EIF4EBP2: variants seen among roughly 807,000 people sequenced by gnomAD.
EIF4EBP2 encodes the protein eukaryotic translation initiation factor 4E binding protein 2.
A neutral mutation model predicts 10.3 loss-of-function variants in EIF4EBP2; 5 were observed. That is an observed-to-expected ratio of 0.48 (90% confidence interval 0.25 to 1.02). The LOEUF (loss-of-function observed/expected upper bound fraction) is 1.02, where lower values mean the gene tolerates loss of function less well. Ranked by LOEUF, EIF4EBP2 falls within the 50% of genes least tolerant of loss-of-function variation. EIF4EBP2 has a pLI of 0.15. For missense variants in EIF4EBP2, 188 were observed against 162.2 expected (o/e 1.16, Z -0.86); for synonymous variants, 67 against 61.1 (o/e 1.10, Z -0.45).
chr10:70,415,613 A>G (rs544313855), intron 1 of EIF4EBP2, among the ~76,000 whole-genome samples: 1 of 152,360 alleles, frequency 6.6e-6, no homozygotes, highest in South Asian at 2.1e-4. Context: ...GAGTCCAGAA[A>G]TAAACCCAGC....
At chr10:70,406,521 C>A (rs1844965578) in intron 1 of EIF4EBP2, among the ~76,000 whole-genome samples, 1 of 151,048 alleles carries the variant, frequency 6.6e-6, no homozygotes. Context: ...GGGAACTAAA[C>A]TTTCAGCTAT....
At position 70,426,177 on chromosome 10, in the gene EIF4EBP2, TGC is replaced by T. The variant is rs1845204598; in HGVS notation, c.*4431_*4432del. The stretch of plus-strand genomic sequence containing the variant: ...AGTTTAAGACATTCTAGTGAATGGC[TGC>T]TATGTGTTTCTGGCACTCATTCCTA... On this transcript the variant is annotated 3_prime_UTR_variant, in exon 3 of 3. Coordinates refer to ENST00000373218, the MANE Select transcript of EIF4EBP2 (RefSeq NM_004096.5). The T allele has an allele frequency of 6.6e-6, 1 of 152,248 alleles. No individual in the cohort carries two copies. Among genetic ancestry groups the T allele is most frequent in the East Asian group, 1.9e-4 (1 of 5,198 alleles). The allele number at this position is 152,248 out of a possible 1,614,324, so 9.4% of individuals were successfully genotyped here. A position where few individuals can be genotyped will look rare whatever the true frequency, so the allele number is the denominator to read the frequency against.
intron 1 of EIF4EBP2, among the ~76,000 whole-genome samples, chr10:70,418,010 T>A (rs781201145): frequency 7.2e-5 from 11 of 152,238 alleles, no homozygotes; most frequent in Non-Finnish European, 1.0e-4. Context: ...AAGGGTGTGC[T>A]ATACAGATTG....
intron 1 of EIF4EBP2, among the ~76,000 whole-genome samples, chr10:70,415,603 G>A (rs115989471): frequency 0.013 from 2,003 of 152,312 alleles, 38 homozygotes; most frequent in African/African-American, 0.046. Context: ...ATAAAATTGA[G>A]AGTCCAGAAA....
intron 1 of EIF4EBP2, among the ~76,000 whole-genome samples, chr10:70,410,676 C>G (rs1164007226): frequency 6.6e-6 from 1 of 152,236 alleles, no homozygotes; most frequent in African/African-American, 2.4e-5. Context: ...AAAACACTTT[C>G]TTTGTTAAGT....
Position 70,423,629 on chromosome 10 carries a change from C to T in EIF4EBP2, c.*1882C>T, listed in dbSNP as rs1416749505. On this transcript the variant is annotated 3_prime_UTR_variant, in exon 3 of 3. Transcript: ENST00000373218. ...ACAGGCCATTTGGCCAAGAAAGAAA[C>T]CTGTTTGTTTTTCTTTTGAACTATG... The T allele has an allele frequency of 6.6e-6, 1 of 152,300 alleles. No homozygotes were observed. The highest frequency in any genetic ancestry group is 1.5e-5 in the Non-Finnish European group (1 of 68,016). 9.4% of individuals were successfully genotyped at this position (152,300 alleles called of 1,614,324 possible). A position where few individuals can be genotyped will look rare whatever the true frequency, so the allele number is the denominator to read the frequency against.
chr10:70,418,017 AT>A (rs768180641), intron 1 of EIF4EBP2, among the ~76,000 whole-genome samples: 10 of 152,314 alleles, frequency 6.6e-5, no homozygotes, highest in Non-Finnish European at 1.3e-4. Context: ...TGCTATACAG[AT>A]TGAATTGTGT....
At chr10:70,416,913 T>C (rs762782321) in intron 1 of EIF4EBP2, among the ~76,000 whole-genome samples, 4 of 152,162 alleles carry the variant, frequency 2.6e-5, no homozygotes, top group Non-Finnish European at 4.4e-5. Context: ...GTAATACACG[T>C]TGGCCTCCCA....
chr10:70,413,214 G>C (rs1308040077), intron 1 of EIF4EBP2, among the ~76,000 whole-genome samples: 1 of 152,062 alleles, frequency 6.6e-6, no homozygotes, highest in Non-Finnish European at 1.5e-5. Context: ...TATCTTTAAA[G>C]CTCTAAATAA....
intron 1 of EIF4EBP2, among the ~76,000 whole-genome samples, chr10:70,415,168 A>AG (rs1230005597): frequency 6.6e-6 from 1 of 151,498 alleles, no homozygotes; most frequent in Non-Finnish European, 1.5e-5. Flanking sequence ...GAAAAAAAAA[A>AG]AAAAGAAAAG....
intron 1 of EIF4EBP2, among the ~76,000 whole-genome samples, chr10:70,409,969 G>C (rs994023355): frequency 6.6e-6 from 1 of 152,022 alleles, no homozygotes; most frequent in East Asian, 1.9e-4. Flanking sequence ...GGATGGGTTT[G>C]GAAAAAAGGA....
chr10:70,414,331 T>C (rs1230263076), intron 1 of EIF4EBP2, among the ~76,000 whole-genome samples: 3 of 151,932 alleles, frequency 2.0e-5, no homozygotes, highest in African/African-American at 7.3e-5. Flanking sequence ...AAATTTTTTT[T>C]AGCTTGCAGA....
intron 1 of EIF4EBP2, among the ~76,000 whole-genome samples, chr10:70,410,848 T>C (rs957545035): frequency 2.0e-5 from 3 of 152,218 alleles, no homozygotes; most frequent in Non-Finnish European, 4.4e-5. Flanking sequence ...AGCTGGAGAA[T>C]TGTCAAGAAT....
At chr10:70,421,565 A>G in intron 2 of EIF4EBP2, 151 bp from the exon 3 acceptor site, 3 of 692,882 alleles carry the variant, frequency 4.3e-6, no homozygotes, top group Non-Finnish European at 7.3e-6. Flanking sequence ...GATTAAGACC[A>G]GCCAAAGCAA....
chr10:70,409,409 T>C (rs568447243), intron 1 of EIF4EBP2, among the ~76,000 whole-genome samples: 12 of 152,328 alleles, frequency 7.9e-5, no homozygotes, highest in Middle Eastern at 3.4e-3. Context: ...TATAGTTGGC[T>C]CCACTTTTAA....
chr10:70,411,240 C>T lies in EIF4EBP2; in HGVS notation c.145+6694C>T, dbSNP rs370079415. ...ATAACTTCCCATTAAGCAGTACCACCGCAGCCTCCGGCAGCTAATCATCCT... is the reference window on the plus strand; with the variant it reads ...ATAACTTCCCATTAAGCAGTACCACTGCAGCCTCCGGCAGCTAATCATCCT... On this transcript the variant is annotated intron_variant, in intron 1 of 2. Transcript: ENST00000373218. 1.4e-3 allele frequency among the ~76,000 whole-genome samples: 215 copies of T among 152,258 alleles called. 4 individuals are homozygous for T. The South Asian group carries it at 0.027, about 19-fold the overall frequency.
At chr10:70,413,435 G>A (rs1296335090) in intron 1 of EIF4EBP2, among the ~76,000 whole-genome samples, 1 of 151,902 alleles carries the variant, frequency 6.6e-6, no homozygotes, top group African/African-American at 2.4e-5. Flanking sequence ...AGACCAGTCA[G>A]GGCAACGTAA....
At chr10:70,421,572 G>C (rs776661505) in intron 2 of EIF4EBP2, 144 bp from the exon 3 acceptor site, 8 of 727,852 alleles carry the variant, frequency 1.1e-5, no homozygotes, top group Non-Finnish European at 1.8e-5. Flanking sequence ...ACCAGCCAAA[G>C]CAAAGCAGAG....
At chr10:70,405,632 G>T (rs567513368) in intron 1 of EIF4EBP2, among the ~76,000 whole-genome samples, 226 of 152,322 alleles carry the variant, frequency 1.5e-3, no homozygotes, top group African/African-American at 5.1e-3. Context: ...AGGATTGCTA[G>T]CCTTGTTCCT....
Sources: allele counts gnomAD v4.1 joint callset (sites outside exome capture counted in the v4.1 genomes callset), GRCh38; gene constraint gnomAD v4.1.1; transcripts MANE v1.5; gene names NCBI Gene and HGNC (gene_info 2026-07-23, HGNC 2026-07-21).